The following INO80 variants were observed in gnomAD, a reference collection of about 807,000 sequenced individuals.
INO80 encodes INO80 complex ATPase subunit, also known as chromatin-remodeling ATPase INO80.
INO80 carries 20 observed loss-of-function variants against 203.4 expected under a neutral mutation model. The ratio of observed to expected loss-of-function variants is 0.10; its 90% CI spans 0.07 to 0.14. INO80 has a LOEUF of 0.14. INO80 is among the 10% of genes least tolerant of loss of function. INO80 has a pLI of 1.00. For synonymous variants in INO80, 726 were observed against 685.2 expected (o/e 1.06, Z -0.93); for missense variants, 1,419 against 1,914.4 (o/e 0.74, Z 4.83).
At chr15:40,987,326 C>T in intron 30 of INO80, 133 bp from the exon 31 acceptor site, 1 of 570,366 alleles carries the variant, frequency 1.8e-6, no homozygotes. Flanking sequence ...TCTTTTCTCC[C>T]TTTTCATTTC....
At chr15:41,041,431 C>CT (rs201157790) in intron 24 of INO80, among the ~76,000 whole-genome samples, 5,351 of 141,506 alleles carry the variant, frequency 0.038, 220 homozygotes, top group African/African-American at 0.11. Context: ...GCTTCTAGTT[C>CT]TTTTTTTTTT....
chr15:41,088,131 G>A (rs539405499), intron 5 of INO80, among the ~76,000 whole-genome samples: 22 of 127,396 alleles, frequency 1.7e-4, no homozygotes, highest in Admixed American at 9.8e-5. Flanking sequence ...TTGCTCTGTC[G>A]CCAGGCTGGA....
chr15:41,029,817 G>A (rs1157616750), intron 24 of INO80, among the ~76,000 whole-genome samples: 6 of 152,202 alleles, frequency 3.9e-5, no homozygotes, highest in African/African-American at 1.4e-4. Flanking sequence ...ATGTAGCCAC[G>A]TTTTTTGTTT....
chr15:41,098,234 T>C (rs1209746906), intron 1 of INO80, among the ~76,000 whole-genome samples: 1 of 152,134 alleles, frequency 6.6e-6, no homozygotes, highest in African/African-American at 2.4e-5. Flanking sequence ...AACTTTCCTA[T>C]CTAAAACAGT....
intron 27 of INO80, among the ~76,000 whole-genome samples, chr15:41,013,858 G>C (rs1447057013): frequency 6.6e-6 from 1 of 152,182 alleles, no homozygotes; most frequent in Non-Finnish European, 1.5e-5. Context: ...TTCAGGCTTT[G>C]AATTTGCATT....
At chr15:41,104,942 G>C (rs1390591333) in intron 1 of INO80, among the ~76,000 whole-genome samples, 3 of 152,086 alleles carry the variant, frequency 2.0e-5, no homozygotes, top group African/African-American at 7.2e-5. Flanking sequence ...TATGGGAGTG[G>C]ATACACTTAA....
At chr15:41,108,350 G>A (rs1351523343) in intron 1 of INO80, among the ~76,000 whole-genome samples, 9 of 152,100 alleles carry the variant, frequency 5.9e-5, no homozygotes, top group Admixed American at 5.9e-4. Context: ...AGCACTTTGG[G>A]AGGCCGAGGC....
rs1416639493 is a variant in INO80, at chr15:41,073,371, G to T, written c.1395+57C>A. Reference sequence around the variant, plus strand: ...ACTAAAGGAAGACCACCTAAGTAAAGGCTTGTGGGGTATTTCCAGGGCCAA... The same window carrying T: ...ACTAAAGGAAGACCACCTAAGTAAATGCTTGTGGGGTATTTCCAGGGCCAA... On this transcript the variant is annotated intron_variant, in intron 11 of 35. Coordinates refer to ENST00000648947, the MANE Select transcript of INO80 (RefSeq NM_017553.3). 3.6e-6 allele frequency: 5 copies of T among 1,386,774 alleles called. No homozygotes were observed. In the East Asian group the frequency reaches 1.1e-4, roughly 32 times the overall value. 85.9% of individuals were successfully genotyped at this position (1,386,774 alleles called of 1,614,324 possible).
intron 28 of INO80, among the ~76,000 whole-genome samples, chr15:40,998,955 G>C (rs1483904366): frequency 6.8e-6 from 1 of 146,172 alleles, no homozygotes; most frequent in Non-Finnish European, 1.5e-5. Flanking sequence ...GTGCCCGGCA[G>C]AACAGGCTTT....
intron 27 of INO80, among the ~76,000 whole-genome samples, chr15:41,009,136 G>A (rs566862808): frequency 2.8e-4 from 42 of 152,042 alleles, no homozygotes; most frequent in Non-Finnish European, 1.2e-4. Context: ...CTGGCATAAC[G>A]TGCGTTTTAA....
rs767899869 is a variant in INO80 at position 41,079,842 on chromosome 15, C to T, written c.990G>A (p.Lys330=). The change falls in exon 9 of 36, where the codon AAG becomes AAA. Residue 330 remains lysine, a synonymous_variant. Transcript: ENST00000648947. ...GGCGGCGGGCACGAGGCAAGGTTTCCTTACAGTTCTTCTGGGCCTGCAAGG... is the reference window on the plus strand; with the variant it reads ...GGCGGCGGGCACGAGGCAAGGTTTCTTTACAGTTCTTCTGGGCCTGCAAGG... ...RAALQAQKNC[K]ETLPRARRLT... 6.2e-7 allele frequency: 1 copy of T among 1,614,142 alleles called. No individual in the cohort carries two copies. Among genetic ancestry groups the T allele is most frequent in the South Asian group, 1.1e-5 (1 of 91,082 alleles).
At chr15:41,051,481 G>A (rs1433785274) in intron 19 of INO80, among the ~76,000 whole-genome samples, 1 of 150,640 alleles carries the variant, frequency 6.6e-6, no homozygotes, top group Non-Finnish European at 1.5e-5. Flanking sequence ...AACCATACTA[G>A]ATCTTCAGAT....
At chr15:41,073,178 A>G (rs1020985469) in intron 11 of INO80, among the ~76,000 whole-genome samples, 4 of 152,184 alleles carry the variant, frequency 2.6e-5, no homozygotes, top group African/African-American at 9.7e-5. Context: ...TTCTAACTTG[A>G]AATTAACACA....
intron 35 of INO80, among the ~76,000 whole-genome samples, chr15:40,981,553 A>T (rs1893830648): frequency 6.6e-6 from 1 of 152,230 alleles, no homozygotes; most frequent in Admixed American, 6.5e-5. Context: ...AAGGCAAGTA[A>T]ACTAACAATT....
At chr15:40,996,463 A>T (rs372488300) in intron 29 of INO80, among the ~76,000 whole-genome samples, 1 of 151,696 alleles carries the variant, frequency 6.6e-6, no homozygotes, top group African/African-American at 2.4e-5. Context: ...CTGGGACTAC[A>T]GGCATGTGTC....
At chr15:41,016,744 A>C (rs1212417803) in intron 26 of INO80, 4 of 152,356 alleles carry the variant, frequency 2.6e-5, no homozygotes, top group African/African-American at 9.7e-5. Context: ...CCAGGCTGGA[A>C]TGCAGCAGCG....
chr15:41,100,830 CTT>C (rs1190451283), intron 1 of INO80, among the ~76,000 whole-genome samples: 16 of 138,024 alleles, frequency 1.2e-4, no homozygotes, highest in Non-Finnish European at 1.4e-4. Flanking sequence ...ACAATTTTTT[CTT>C]TTTTTTTTTT....
intron 7 of INO80, among the ~76,000 whole-genome samples, chr15:41,083,432 A>G (rs2045514925): frequency 6.6e-6 from 1 of 152,168 alleles, no homozygotes; most frequent in Admixed American, 6.6e-5. Context: ...CAGGTTGGGC[A>G]TGGTGGCTCA....
chr15:41,094,572 C>T (rs958959881), intron 4 of INO80, among the ~76,000 whole-genome samples: 2 of 152,136 alleles, frequency 1.3e-5, no homozygotes, highest in Admixed American at 1.3e-4. Flanking sequence ...GGCACATGCA[C>T]ATGGATGCAC....
Sources: allele counts gnomAD v4.1 joint callset (sites outside exome capture counted in the v4.1 genomes callset), GRCh38; gene constraint gnomAD v4.1.1; transcripts MANE v1.5; gene names NCBI Gene and HGNC (gene_info 2026-07-23, HGNC 2026-07-21).